The following GAPVD1 variants were observed in gnomAD, a reference collection of about 807,000 sequenced individuals.
The protein encoded by GAPVD1 is GTPase-activating protein and VPS9 domain-containing protein 1.
A neutral mutation model predicts 155.5 loss-of-function variants in GAPVD1; 35 were observed. The observed-to-expected ratio is 0.23, with a 90% CI of 0.17 to 0.30. GAPVD1 has a LOEUF of 0.30. GAPVD1 is among the 10% of genes least tolerant of loss of function. The pLI is 1.00. For missense variants in GAPVD1, 1,429 were observed against 1,775.7 expected (o/e 0.80, Z 3.51); for synonymous variants, 636 against 619.7 (o/e 1.03, Z -0.39).
At chr9:125,353,997 A>G (rs1459589622) in intron 23 of GAPVD1, among the ~76,000 whole-genome samples, 1 of 152,240 alleles carries the variant, frequency 6.6e-6, no homozygotes, top group Non-Finnish European at 1.5e-5. Context: ...TTTTGAGGCT[A>G]GAACAACTAG....
At chr9:125,293,699 T>TTAAATATATATTTTTATATTTTATA (rs1839059568) in intron 2 of GAPVD1, among the ~76,000 whole-genome samples, 1 of 47,100 alleles carries the variant, frequency 2.1e-5, no homozygotes, top group Non-Finnish European at 4.4e-5. Context: ...TATATTTATA[T>TTAAATATATATTTTTATATTTTATA]TAAATATATA....
At chr9:125,340,429 G>A (rs907779050) in intron 17 of GAPVD1, among the ~76,000 whole-genome samples, 1 of 152,142 alleles carries the variant, frequency 6.6e-6, no homozygotes, top group African/African-American at 2.4e-5. Context: ...TATAGGCTGT[G>A]TAACTTTGAG....
intron 15 of GAPVD1, 192 bp from the exon 16 acceptor site, chr9:125,336,826 G>A (rs1847087923): frequency 1.7e-6 from 1 of 573,678 alleles, no homozygotes; most frequent in Non-Finnish European, 3.1e-6. Context: ...GAAAATCTGT[G>A]TATGAAGATA....
chr9:125,279,465 G>T (rs939112278), intron 2 of GAPVD1, among the ~76,000 whole-genome samples: 1 of 151,274 alleles, frequency 6.6e-6, no homozygotes, highest in Non-Finnish European at 1.5e-5. Context: ...CAGCTACTAT[G>T]GAGGCTGAGA....
chr9:125,355,792 C>A lies in GAPVD1; in HGVS notation c.3906C>A (p.Ser1302Arg). 1.9e-6 allele frequency: 3 copies of A among 1,613,348 alleles called. No individual in the cohort carries two copies. The highest frequency in any genetic ancestry group is 1.1e-5 in the South Asian group (1 of 91,068). The change falls in exon 25 of 28, where the codon AGC (serine) becomes AGA (arginine). Residue 1302 changes from serine (S) to arginine (R), a missense_variant. Ser to Arg is a moderately radical substitution (Grantham distance 110, BLOSUM62 -1). Coordinates refer to ENST00000297933, the MANE Select transcript of GAPVD1 (RefSeq NM_001282680.3). ...LQDAQLAIER[S>R]VMNRIFKLAF... is the part of the protein sequence containing the mutation. ...ATGCACAGCTGGCCATTGAGCGAAG[C>A]GTGATGAACCGGATTTTCAAGCTCG...
chr9:125,317,244 G>A (rs1229383967), intron 9 of GAPVD1, among the ~76,000 whole-genome samples: 1 of 151,940 alleles, frequency 6.6e-6, no homozygotes, highest in Non-Finnish European at 1.5e-5. Flanking sequence ...CTTGAACCTG[G>A]GAGGCGGAGG....
chr9:125,273,871 G>T (rs943207651), intron 2 of GAPVD1, among the ~76,000 whole-genome samples: 1 of 151,832 alleles, frequency 6.6e-6, no homozygotes, highest in Non-Finnish European at 1.5e-5. Context: ...CCTCCACTTG[G>T]CTGTCATGGC....
chr9:125,350,552 T>C (rs1426152560), intron 22 of GAPVD1, 148 bp downstream of exon 22: 1 of 696,630 alleles, frequency 1.4e-6, no homozygotes, highest in Non-Finnish European at 2.5e-6. Context: ...GGCACTTTGA[T>C]TACTGATGAT....
intron 17 of GAPVD1, among the ~76,000 whole-genome samples, chr9:125,340,140 C>G (rs1181519102): frequency 6.6e-6 from 1 of 152,190 alleles, no homozygotes; most frequent in Non-Finnish European, 1.5e-5. Flanking sequence ...CCTGCCTCAG[C>G]CTCCCAAGTT....
At chr9:125,341,540 T>C (rs1847853043) in intron 18 of GAPVD1, 2 of 268,880 alleles carry the variant, frequency 7.4e-6, no homozygotes, top group Non-Finnish European at 7.0e-6. Context: ...GTTAAACATA[T>C]AGAGGACTTC....
intron 9 of GAPVD1, among the ~76,000 whole-genome samples, chr9:125,320,014 C>A (rs528403631): frequency 1.3e-4 from 20 of 152,142 alleles, no homozygotes; most frequent in African/African-American, 4.8e-4. Flanking sequence ...GTTTAAAAAT[C>A]ATTTATCTTT....
chr9:125,301,738 C>G (rs1241874056), intron 4 of GAPVD1, among the ~76,000 whole-genome samples: 1 of 152,114 alleles, frequency 6.6e-6, no homozygotes, highest in Admixed American at 6.6e-5. Flanking sequence ...GTCTGAGCCA[C>G]CGCACCCAGC....
intron 2 of GAPVD1, among the ~76,000 whole-genome samples, chr9:125,280,139 G>A (rs1001271614): frequency 8.6e-5 from 13 of 150,370 alleles, no homozygotes; most frequent in Non-Finnish European, 1.5e-4. Flanking sequence ...GCTCACGCCT[G>A]TAATCCCAGC....
intron 8 of GAPVD1, chr9:125,308,878 G>A (rs1259010605): frequency 6.6e-6 from 1 of 152,170 alleles, no homozygotes; most frequent in Non-Finnish European, 1.5e-5. Flanking sequence ...ATAAATATGA[G>A]GGTTATGGTG....
At chr9:125,282,773 G>A (rs1371425843) in intron 2 of GAPVD1, among the ~76,000 whole-genome samples, 3 of 152,052 alleles carry the variant, frequency 2.0e-5, no homozygotes, top group Non-Finnish European at 4.4e-5. Context: ...ATAAACTTTG[G>A]TGAAGTGCCT....
intron 9 of GAPVD1, among the ~76,000 whole-genome samples, chr9:125,319,426 A>C (rs1843942798): frequency 6.7e-6 from 1 of 148,808 alleles, no homozygotes; most frequent in Admixed American, 6.7e-5. Context: ...TTTTTTTGAG[A>C]TGGAATCTCC....
At chr9:125,279,083 G>C (rs1836293966) in intron 2 of GAPVD1, among the ~76,000 whole-genome samples, 1 of 150,910 alleles carries the variant, frequency 6.6e-6, no homozygotes, top group Admixed American at 6.6e-5. Flanking sequence ...GTGGTGGTGG[G>C]TGCCTGTAAT....
At chr9:125,280,054 C>T (rs896791371) in intron 2 of GAPVD1, among the ~76,000 whole-genome samples, 5 of 149,992 alleles carry the variant, frequency 3.3e-5, no homozygotes, top group African/African-American at 4.9e-5. Flanking sequence ...TGAGCCGCTG[C>T]GCTGGCCAAA....
chr9:125,346,201 A>G (rs1230641897), intron 19 of GAPVD1: 1 of 153,380 alleles, frequency 6.5e-6, no homozygotes, highest in Non-Finnish European at 1.5e-5. Flanking sequence ...CAATTCCAGC[A>G]CTCCCCAAGA....
Sources: gnomAD v4.1 joint callset for allele counts (sites outside exome capture counted in the v4.1 genomes callset) on GRCh38, gnomAD v4.1.1 for gene constraint, MANE v1.5 for transcripts, NCBI Gene and HGNC (gene_info 2026-07-23, HGNC 2026-07-21) for gene names.